The following GALNTL6 variants were observed in gnomAD, a reference collection of about 807,000 sequenced individuals.
GALNTL6 encodes polypeptide N-acetylgalactosaminyltransferase like 6.
In GALNTL6, 46 loss-of-function variants were observed where a neutral mutation model predicts 73.7. The observed-to-expected ratio is 0.62, with a 90% CI of 0.49 to 0.80. GALNTL6 has a LOEUF of 0.80. Among genes scored for constraint, GALNTL6 ranks in the 30% least tolerant of loss-of-function variants. The pLI is 0.00. For missense variants in GALNTL6, 604 were observed against 755.0 expected (o/e 0.80, Z 2.34); for synonymous variants, 259 against 263.7 (o/e 0.98, Z 0.17).
At chr4:172,657,211 C>T (rs1223215995) in intron 5 of GALNTL6, among the ~76,000 whole-genome samples, 2 of 152,158 alleles carry the variant, frequency 1.3e-5, no homozygotes, top group Non-Finnish European at 2.9e-5. Context: ...GAAATACGCA[C>T]ACAAAACTTA....
intron 2 of GALNTL6, among the ~76,000 whole-genome samples, chr4:172,019,045 AT>A (rs1311352213): frequency 6.6e-6 from 1 of 152,038 alleles, no homozygotes; most frequent in Admixed American, 6.6e-5. Context: ...TAGGAGGCAG[AT>A]TTTTCCCCTC....
intron 2 of GALNTL6, among the ~76,000 whole-genome samples, chr4:171,853,030 T>TTTTC (rs1735566243): frequency 2.8e-5 from 4 of 140,604 alleles, no homozygotes; most frequent in Admixed American, 2.2e-4. Flanking sequence ...TTTTTTTTTT[T>TTTTC]TTTTTTGTAT....
Position 172,033,819 on chromosome 4 carries a change from A to G in GALNTL6, c.139-195837A>G, listed in dbSNP as rs1741844078. Among the ~76,000 whole-genome samples the G allele has an allele frequency of 2.0e-5, 3 of 152,126 alleles. 1 individual carries two copies. In the South Asian group the frequency reaches 6.2e-4, roughly 31 times the overall value. On this transcript the variant is annotated intron_variant, in intron 2 of 12. Coordinates refer to ENST00000506823, the MANE Select transcript of GALNTL6 (RefSeq NM_001034845.3). ...ATCCTGCCCTTTACACAAAATATCT[A>G]GACCCTTTAGATAGACCAAAAGAAA...
chr4:172,850,849 G>T (rs1388585791), intron 7 of GALNTL6, among the ~76,000 whole-genome samples: 2 of 152,106 alleles, frequency 1.3e-5, no homozygotes. Flanking sequence ...ATATTACAAA[G>T]AATACAGCTG....
chr4:172,893,349 G>T (rs562864413), intron 8 of GALNTL6, among the ~76,000 whole-genome samples: 17 of 152,046 alleles, frequency 1.1e-4, no homozygotes, highest in East Asian at 7.8e-4. Context: ...GAGTGGCGGG[G>T]GGGGGGTCTT....
chr4:171,935,200 G>T (rs1398781334), intron 2 of GALNTL6, among the ~76,000 whole-genome samples: 1 of 152,086 alleles, frequency 6.6e-6, no homozygotes, highest in African/African-American at 2.4e-5. Flanking sequence ...TCCTAATCAG[G>T]CCGATCAAAG....
At chr4:172,897,102 G>T (rs1401220446) in intron 8 of GALNTL6, among the ~76,000 whole-genome samples, 1 of 152,226 alleles carries the variant, frequency 6.6e-6, no homozygotes, top group Non-Finnish European at 1.5e-5. Flanking sequence ...AGCACATACA[G>T]GATAGTTCCC....
At chr4:172,247,343 G>A (rs2131001) in intron 3 of GALNTL6, among the ~76,000 whole-genome samples, 151,979 of 152,260 alleles carry the variant, frequency 1, 75,850 homozygotes, top group Middle Eastern at 1. Context: ...ACAGCCTTCT[G>A]AAATACTTGA....
chr4:172,202,183 G>C (rs1735977393), intron 2 of GALNTL6, among the ~76,000 whole-genome samples: 1 of 152,168 alleles, frequency 6.6e-6, no homozygotes, highest in African/African-American at 2.4e-5. Context: ...AACGAGACTG[G>C]TGGTTTAAAA....
chr4:172,159,909 T>C (rs1734400026), intron 2 of GALNTL6, among the ~76,000 whole-genome samples: 1 of 152,076 alleles, frequency 6.6e-6, no homozygotes. Context: ...TGGTGATTGG[T>C]CTAAGAAGCT....
At chr4:172,907,843 C>A (rs1316151508) in intron 8 of GALNTL6, among the ~76,000 whole-genome samples, 2 of 152,190 alleles carry the variant, frequency 1.3e-5, no homozygotes, top group African/African-American at 4.8e-5. Context: ...GATCTTAGCA[C>A]CTCAGCATAT....
At chr4:172,651,249 T>A (rs1259691076) in intron 5 of GALNTL6, among the ~76,000 whole-genome samples, 4 of 152,218 alleles carry the variant, frequency 2.6e-5, no homozygotes, top group African/African-American at 7.2e-5. Flanking sequence ...AGCCAACTGT[T>A]GGACTTTGAC....
At chr4:172,022,709 A>C (rs1000112715) in intron 2 of GALNTL6, among the ~76,000 whole-genome samples, 3 of 151,566 alleles carry the variant, frequency 2.0e-5, no homozygotes, top group African/African-American at 4.8e-5. Context: ...GAAAAAAAAA[A>C]CCCTCCATTC....
At chr4:172,891,667 A>G (rs1468866129) in intron 8 of GALNTL6, among the ~76,000 whole-genome samples, 1 of 152,126 alleles carries the variant, frequency 6.6e-6, no homozygotes, top group Non-Finnish European at 1.5e-5. Context: ...AGTTTCTCAA[A>G]TTTACATTTC....
At chr4:172,327,787 T>C (rs1740993759) in intron 4 of GALNTL6, among the ~76,000 whole-genome samples, 1 of 152,184 alleles carries the variant, frequency 6.6e-6, no homozygotes, top group Admixed American at 6.5e-5. Context: ...ATGGATATCA[T>C]TGCATGTCAG....
chr4:172,737,839 C>T (rs1451442914), intron 5 of GALNTL6, among the ~76,000 whole-genome samples: 3 of 152,172 alleles, frequency 2.0e-5, no homozygotes, highest in African/African-American at 7.2e-5. Flanking sequence ...AGCCTAGGTT[C>T]ATCTCAGCTC....
At chr4:172,709,790 G>A (rs1009678471) in intron 5 of GALNTL6, among the ~76,000 whole-genome samples, 1 of 151,976 alleles carries the variant, frequency 6.6e-6, no homozygotes, top group Admixed American at 6.6e-5. Flanking sequence ...GAGACAATAG[G>A]GTGTTTTGAA....
chr4:172,884,485 T>C (rs1172897547), intron 8 of GALNTL6, among the ~76,000 whole-genome samples: 1 of 152,222 alleles, frequency 6.6e-6, no homozygotes, highest in East Asian at 1.9e-4. Context: ...GATTTTACTG[T>C]TGAGTTGTTT....
At chr4:172,316,373 A>T (rs1740541667) in intron 4 of GALNTL6, among the ~76,000 whole-genome samples, 1 of 152,208 alleles carries the variant, frequency 6.6e-6, no homozygotes, top group South Asian at 2.1e-4. Flanking sequence ...GTGGCTGAGT[A>T]GCTGGGATAT....
Sources: gnomAD v4.1 joint callset for allele counts (sites outside exome capture counted in the v4.1 genomes callset) on GRCh38, gnomAD v4.1.1 for gene constraint, MANE v1.5 for transcripts, NCBI Gene and HGNC (gene_info 2026-07-23, HGNC 2026-07-21) for gene names.